The following STEAP3 variants were observed in gnomAD, a reference collection of about 807,000 sequenced individuals.
The protein encoded by STEAP3 is metalloreductase STEAP3.
STEAP3 carries 35 observed loss-of-function variants against 34.9 expected under a neutral mutation model. That is an observed-to-expected ratio of 1.00 (90% confidence interval 0.76 to 1.33). The LOEUF (loss-of-function observed/expected upper bound fraction) is 1.33. Among genes scored for constraint, STEAP3 ranks in the 40% most tolerant of loss-of-function variants. The pLI, the probability that STEAP3 is intolerant of heterozygous loss-of-function variation, is 0.00. For missense variants in STEAP3, 652 were observed against 667.6 expected (o/e 0.98, Z 0.26); for synonymous variants, 281 against 301.6 (o/e 0.93, Z 0.71).
Position 119,248,091 on chromosome 2 carries a change from G to T in STEAP3, c.935G>T (p.Arg312Leu), listed in dbSNP as rs755328857. The change falls in exon 4 of 6, where the codon CGC (arginine) becomes CTC (leucine). Residue 312 changes from arginine to leucine, a missense_variant. Transcript: ENST00000393110. ...TGGCTGGACCACTGGCTACAGCACC[G>T]CAAGCAGATCGGGCTGCTCAGCTTC... ...PDWLDHWLQHRKQIGLLSFFC... is the reference protein window; with the variant it reads ...PDWLDHWLQHLKQIGLLSFFC... 22 of 1,608,210 alleles carry T rather than the reference G, an allele frequency of 1.4e-5. No homozygotes were observed. The highest frequency in any genetic ancestry group is 1.4e-5 in the Non-Finnish European group (17 of 1,179,888).
chr2:119,253,657 T>C (rs1677689875), intron 4 of STEAP3, among the ~76,000 whole-genome samples: 1 of 152,234 alleles, frequency 6.6e-6, no homozygotes, highest in African/African-American at 2.4e-5. Flanking sequence ...CCAGGAACTC[T>C]GCTACCCGGT....
intron 5 of STEAP3, among the ~76,000 whole-genome samples, chr2:119,260,005 C>T (rs1001517482): frequency 7.2e-5 from 11 of 152,186 alleles, no homozygotes; most frequent in African/African-American, 1.9e-4. Flanking sequence ...CAGCCTCATC[C>T]GCCGAACCTT....
chr2:119,231,435 G>C (rs1476377867), intron 2 of STEAP3, among the ~76,000 whole-genome samples: 2 of 151,156 alleles, frequency 1.3e-5, no homozygotes, highest in African/African-American at 4.9e-5. Flanking sequence ...AGGCCCATTG[G>C]GAATTGTAAA....
At position 119,263,214 on chromosome 2, in the gene STEAP3, T is replaced by C; in HGVS notation, c.1373T>C (p.Leu458Pro). 6.2e-7 allele frequency: 1 copy of C among 1,614,154 alleles called. No individual in the cohort carries two copies. The highest frequency in any genetic ancestry group is 8.5e-7 in the Non-Finnish European group (1 of 1,180,030). The change falls in exon 6 of 6, where the codon CTG becomes CCG. Residue 458 changes from leucine (L) to proline (P), a missense_variant. Leu to Pro is a moderately conservative substitution (Grantham distance 98, BLOSUM62 -3). Transcript: ENST00000393110. ...TGCGTCGTCATCCTGGCCAAAGCCCTGTTTCTCCTGCCCTGCATCAGCCGC... is the reference window on the plus strand; with the variant it reads ...TGCGTCGTCATCCTGGCCAAAGCCCCGTTTCTCCTGCCCTGCATCAGCCGC... The part of the protein sequence containing the change: ...VPCVVILAKA[L>P]FLLPCISRRL...
chr2:119,260,887 G>A (rs1433798479), intron 5 of STEAP3, among the ~76,000 whole-genome samples: 2 of 152,136 alleles, frequency 1.3e-5, no homozygotes, highest in Admixed American at 1.3e-4. Flanking sequence ...TAAAGACTGG[G>A]CCAAGAAGAT....
chr2:119,259,658 C>T (rs754071220), intron 5 of STEAP3, among the ~76,000 whole-genome samples: 1 of 152,238 alleles, frequency 6.6e-6, no homozygotes, highest in Non-Finnish European at 1.5e-5. Flanking sequence ...TCATCACTCT[C>T]CAGATCAGGG....
rs1458328015 is a variant in STEAP3 at position 119,254,851 on chromosome 2, A to G, written c.1215+3A>G. The G allele has an allele frequency of 1.2e-6, 2 of 1,613,552 alleles. No homozygotes were observed. Among genetic ancestry groups the G allele is most frequent in the Non-Finnish European group, 1.7e-6 (2 of 1,179,666 alleles). On this transcript the variant is annotated splice_donor_region_variant and intron_variant, in intron 5 of 5. Coordinates refer to ENST00000393110, the MANE Select transcript of STEAP3 (RefSeq NM_182915.3). ...GGAGGGAGTTCAGCTTCGTTCAGGT[A>G]AAGTAGTCTCTAGTCTGCCAGCCAG...
At position 119,241,715 on chromosome 2, in the gene STEAP3, T is replaced by C. The variant is rs1163458682; in HGVS notation, c.23-3774T>C. Among the ~76,000 whole-genome samples, 3 of 152,226 alleles carry C rather than the reference T, an allele frequency of 2.0e-5. No individual in the cohort carries two copies. The East Asian group carries it at 5.8e-4, about 29-fold the overall frequency. Reference sequence around the variant, plus strand: ...CCCCTCGGCTGCAGCGGCCTCCATATCAGCTCCCTGGAAGGGAGCAGATGC... The same window carrying C: ...CCCCTCGGCTGCAGCGGCCTCCATACCAGCTCCCTGGAAGGGAGCAGATGC... On this transcript the variant is annotated intron_variant, in intron 2 of 5. Transcript: ENST00000393110.
At chr2:119,227,368 G>A (rs531201154) in intron 1 of STEAP3, among the ~76,000 whole-genome samples, 6 of 152,186 alleles carry the variant, frequency 3.9e-5, no homozygotes, top group Admixed American at 6.5e-5. Flanking sequence ...GCCTGGTCTC[G>A]TGAGCCCTGC....
intron 2 of STEAP3, among the ~76,000 whole-genome samples, chr2:119,237,816 C>T (rs61260710): frequency 0.012 from 1,881 of 152,242 alleles, 45 homozygotes; most frequent in South Asian, 0.091. Context: ...ATGGTGTACC[C>T]GTGAGGATCA....
chr2:119,235,487 C>G lies in STEAP3; in HGVS notation c.22+4453C>G, dbSNP rs184211678. Among the ~76,000 whole-genome samples, 417 of 152,350 alleles carry G rather than the reference C, an allele frequency of 2.7e-3. 4 individuals are homozygous for G. The highest frequency in any genetic ancestry group is 9.4e-3 in the African/African-American group (390 of 41,574). ...TTAGTTCATTGACTCCGTCCACAGC[C>G]CTTTCCTGAGCAGCTACTGCAGTGG... is the stretch of plus-strand genomic sequence containing the variant. On this transcript the variant is annotated intron_variant, in intron 2 of 5. Coordinates refer to ENST00000393110, the MANE Select transcript of STEAP3 (RefSeq NM_182915.3).
intron 2 of STEAP3, among the ~76,000 whole-genome samples, chr2:119,236,716 CT>C (rs916527286): frequency 4.6e-5 from 7 of 152,208 alleles, no homozygotes; most frequent in African/African-American, 1.7e-4. Context: ...GCACATCCTT[CT>C]ATAAACCCTC....
At chr2:119,242,592 G>C (rs1040675965) in intron 2 of STEAP3, among the ~76,000 whole-genome samples, 8 of 152,186 alleles carry the variant, frequency 5.3e-5, no homozygotes, top group Admixed American at 5.2e-4. Context: ...CCCTACTGCT[G>C]GCACGGAGCT....
intron 4 of STEAP3, chr2:119,248,863 T>A (rs1321347268): frequency 2.0e-4 from 30 of 152,428 alleles, no homozygotes; most frequent in Admixed American, 2.0e-3. Context: ...GAGAACAGAC[T>A]GTAGGAGGTC....
rs377082946 is a variant in STEAP3, at chr2:119,237,373, G to T, written c.22+6339G>T. 2.8e-3 allele frequency among the ~76,000 whole-genome samples: 419 copies of T among 152,152 alleles called. 4 individuals are homozygous for T. Among genetic ancestry groups the T allele is most frequent in the African/African-American group, 9.4e-3 (392 of 41,484 alleles). ...GAGAGGAAGTAAGAGAGAGAGAGAG[G>T]GTAGGGAGGTGGCAGGCTCTTTTTA... On this transcript the variant is annotated intron_variant, in intron 2 of 5. Coordinates refer to ENST00000393110, the MANE Select transcript of STEAP3 (RefSeq NM_182915.3).
chr2:119,231,385 T>TGTGTGTGTGTGTGTGTG (rs1553437422), intron 2 of STEAP3, among the ~76,000 whole-genome samples: 2 of 84,958 alleles, frequency 2.4e-5, no homozygotes, highest in Non-Finnish European at 3.0e-5. Context: ...GTGTGTGTGT[T>TGTGTGTGTGTGTGTGTG]TAAGGATGTT....
At chr2:119,225,832 C>G (rs1300221455) in intron 1 of STEAP3, among the ~76,000 whole-genome samples, 1 of 152,206 alleles carries the variant, frequency 6.6e-6, no homozygotes, top group Non-Finnish European at 1.5e-5. Context: ...ATTTGCAAAA[C>G]CTTGCCAAGG....
intron 2 of STEAP3, among the ~76,000 whole-genome samples, chr2:119,243,933 A>T (rs1469480192): frequency 6.6e-6 from 1 of 152,170 alleles, no homozygotes; most frequent in Non-Finnish European, 1.5e-5. Context: ...ACGCCCATGG[A>T]GGGTGTTGAA....
intron 4 of STEAP3, among the ~76,000 whole-genome samples, chr2:119,250,889 G>A (rs1465759501): frequency 6.6e-6 from 1 of 152,174 alleles, no homozygotes; most frequent in East Asian, 1.9e-4. Flanking sequence ...CCCGCAGGAC[G>A]AGATCAGTCA....
Sources: gnomAD v4.1 joint callset for allele counts (sites outside exome capture counted in the v4.1 genomes callset) on GRCh38, gnomAD v4.1.1 for gene constraint, MANE v1.5 for transcripts, NCBI Gene and HGNC (gene_info 2026-07-23, HGNC 2026-07-21) for gene names.